Variants in RGPD2 observed in about 807,000 individuals in gnomAD.
RGPD2 encodes the protein RANBP2-like and GRIP domain-containing protein 2.
A neutral mutation model predicts 36.0 loss-of-function variants in RGPD2; 2 were observed. The ratio of observed to expected loss-of-function variants is 0.06; its 90% confidence interval spans 0.02 to 0.17. The LOEUF (loss-of-function observed/expected upper bound fraction) is 0.17. Ranked by LOEUF, RGPD2 falls within the 10% of genes least tolerant of loss-of-function variation. The probability of loss-of-function intolerance (pLI) is 1.00; values close to 1 mark genes in which losing one functional copy is unlikely to be tolerated. For synonymous variants in RGPD2, 19 were observed against 163.8 expected (o/e 0.12, Z 6.75); for missense variants, 40 against 464.3 (o/e 0.09, Z 8.40).
At chr2:87,805,597 GCTTGTAAATC>G (rs1685913825) in intron 7 of RGPD2, among the ~76,000 whole-genome samples, 1 of 150,672 alleles carries the variant, frequency 6.6e-6, no homozygotes, top group Admixed American at 6.6e-5. Flanking sequence ...GGTGGCTCAC[GCTTGTAAATC>G]CCAGCACTTT....
the RGPD2 span, among the ~76,000 whole-genome samples, chr2:87,875,482 T>C: frequency 6.6e-6 from 1 of 152,292 alleles, no homozygotes; most frequent in Non-Finnish European, 1.5e-5. Context: ...TTGTCTTTTG[T>C]TCTGTTTATG....
the RGPD2 span, among the ~76,000 whole-genome samples, chr2:87,848,785 G>A: frequency 2.7e-5 from 4 of 148,016 alleles, no homozygotes; most frequent in South Asian, 2.3e-4. Flanking sequence ...GGCTTTCAAC[G>A]AGCTCTACAA....
the RGPD2 span, among the ~76,000 whole-genome samples, chr2:87,986,878 CA>C: frequency 1.1e-3 from 160 of 143,046 alleles, no homozygotes; most frequent in African/African-American, 3.3e-3. Flanking sequence ...GAAACTGTCT[CA>C]AAAAAAAAAA....
the RGPD2 span, among the ~76,000 whole-genome samples, chr2:87,886,034 T>C: frequency 1.7e-4 from 26 of 151,978 alleles, no homozygotes; most frequent in African/African-American, 6.0e-4. Context: ...ACAAATACAT[T>C]ATAGATAAAT....
chr2:87,836,189 G>C, the RGPD2 span, among the ~76,000 whole-genome samples: 1 of 150,430 alleles, frequency 6.6e-6, no homozygotes, highest in Non-Finnish European at 1.5e-5. Context: ...ATCCTCCAAG[G>C]TCAAAGAAAA....
chr2:87,896,725 T>G, the RGPD2 span, among the ~76,000 whole-genome samples: 1 of 86,012 alleles, frequency 1.2e-5, no homozygotes, highest in African/African-American at 4.6e-5. Flanking sequence ...TTTGTATTCA[T>G]GTAACAAAGT....
At chr2:87,934,558 G>GT in the RGPD2 span, among the ~76,000 whole-genome samples, 1 of 150,504 alleles carries the variant, frequency 6.6e-6, no homozygotes, top group South Asian at 2.1e-4. Flanking sequence ...TCTGTTTCCA[G>GT]TTTTTTATTA....
At chr2:87,951,541 C>A in the RGPD2 span, among the ~76,000 whole-genome samples, 1 of 151,974 alleles carries the variant, frequency 6.6e-6, no homozygotes, top group African/African-American at 2.4e-5. Flanking sequence ...TCCTTGAGGA[C>A]AGAGACTTAC....
the RGPD2 span, among the ~76,000 whole-genome samples, chr2:87,913,030 C>T: frequency 1.8e-4 from 28 of 152,094 alleles, no homozygotes; most frequent in African/African-American, 5.8e-4. Flanking sequence ...TACTAGGTCG[C>T]TCAGCTGTCA....
chr2:87,937,574 C>G, the RGPD2 span, among the ~76,000 whole-genome samples: 5 of 151,716 alleles, frequency 3.3e-5, no homozygotes, highest in Admixed American at 2.0e-4. Flanking sequence ...GTCTCAGACT[C>G]TTTTTAACAA....
the RGPD2 span, among the ~76,000 whole-genome samples, chr2:87,966,268 T>C: frequency 0.031 from 4,746 of 150,916 alleles, 17 homozygotes; most frequent in Middle Eastern, 0.086. Context: ...CAAAAAATTA[T>C]TTTGCAATGG....
chr2:87,974,072 G>A, the RGPD2 span, among the ~76,000 whole-genome samples: 17 of 151,432 alleles, frequency 1.1e-4, no homozygotes, highest in African/African-American at 3.2e-4. Context: ...TTCTCCGGCC[G>A]CTCTGAACTG....
intron 22 of RGPD2, among the ~76,000 whole-genome samples, chr2:87,769,289 A>G (rs1685045110): frequency 6.6e-6 from 1 of 151,798 alleles, no homozygotes; most frequent in Non-Finnish European, 1.5e-5. Context: ...TCTTAAAGAG[A>G]AAATGTAAGG....
upstream of RGPD2, among the ~76,000 whole-genome samples, chr2:87,829,239 T>C (rs1483098468): frequency 1.2e-5 from 1 of 81,568 alleles, no homozygotes; most frequent in Non-Finnish European, 2.5e-5. Flanking sequence ...ATAATTCTAC[T>C]AATTTTCATT....
the RGPD2 span, among the ~76,000 whole-genome samples, chr2:87,896,777 GGAGTA>G: frequency 3.2e-4 from 38 of 118,948 alleles, no homozygotes; most frequent in East Asian, 2.6e-3. Flanking sequence ...TACTTAAAGA[GGAGTA>G]CTCTCAGTTT....
At chr2:87,961,686 T>A in the RGPD2 span, among the ~76,000 whole-genome samples, 3 of 62,236 alleles carry the variant, frequency 4.8e-5, no homozygotes, top group Non-Finnish European at 6.0e-5. Flanking sequence ...TGGGCGAGAG[T>A]AAGACTTCCT....
the RGPD2 span, among the ~76,000 whole-genome samples, chr2:87,932,918 G>T: frequency 4.9e-4 from 69 of 139,668 alleles, no homozygotes; most frequent in Admixed American, 2.9e-3. Flanking sequence ...GAACCATGTG[G>T]TTATGTGTCT....
the RGPD2 span, among the ~76,000 whole-genome samples, chr2:87,875,335 T>C: frequency 7.2e-5 from 11 of 152,392 alleles, no homozygotes; most frequent in East Asian, 1.3e-3. Context: ...ATATTGGCTG[T>C]GAGTTTGATA....
chr2:87,824,753 C>A (rs1320555812), intron 1 of RGPD2, among the ~76,000 whole-genome samples: 9 of 122,264 alleles, frequency 7.4e-5, no homozygotes, highest in South Asian at 2.5e-4. Context: ...GCCGCCGCCG[C>A]CGCCGCCGCC....
Sources: gnomAD v4.1 joint callset for allele counts (sites outside exome capture counted in the v4.1 genomes callset) on GRCh38, gnomAD v4.1.1 for gene constraint, MANE v1.5 for transcripts, NCBI Gene and HGNC (gene_info 2026-07-23, HGNC 2026-07-21) for gene names.